IQSEC1: variants seen among roughly 807,000 people sequenced by gnomAD.
IQSEC1 encodes the protein IQ motif and SEC7 domain-containing protein 1.
In IQSEC1, 31 loss-of-function variants were observed where a neutral mutation model predicts 91.0. The ratio of observed to expected loss-of-function variants is 0.34; its 90% CI spans 0.26 to 0.46. The LOEUF is 0.46. Among genes scored for constraint, IQSEC1 ranks in the 20% least tolerant of loss-of-function variants. The pLI, the probability that IQSEC1 is intolerant of heterozygous loss-of-function variation, is 1.00. For synonymous variants in IQSEC1, 699 were observed against 662.6 expected (o/e 1.05, Z -0.84); for missense variants, 1,388 against 1,575.6 (o/e 0.88, Z 2.02).
intron 1 of IQSEC1, among the ~76,000 whole-genome samples, chr3:13,185,915 A>C (rs993666415): frequency 1.3e-5 from 2 of 152,258 alleles, no homozygotes; most frequent in African/African-American, 2.4e-5. Context: ...GAACTGCTGC[A>C]GGGCACCTGC....
At chr3:12,996,206 A>G (rs1159817229) in intron 1 of IQSEC1, among the ~76,000 whole-genome samples, 1 of 152,104 alleles carries the variant, frequency 6.6e-6, no homozygotes, top group Non-Finnish European at 1.5e-5. Context: ...GGAAGATAAG[A>G]TGCTTGTAGT....
rs932494202 is a variant in IQSEC1, at chr3:13,188,264, C to G, written c.273-24131G>C. On this transcript the variant is annotated intron_variant, in intron 1 of 15. Transcript: ENST00000648114. ...CTGACCATTTTCCTCCAGGAACCAC[C>G]TCCTGCTCATGCCCACCTCAAGGTT... is the stretch of plus-strand genomic sequence containing the variant. Among the ~76,000 whole-genome samples, 16 of 152,314 alleles carry G rather than the reference C, an allele frequency of 1.1e-4. 1 individual carries two copies. The highest frequency in any genetic ancestry group is 1.0e-3 in the Admixed American group (16 of 15,296).
chr3:12,978,136 A>G (rs1297255397), intron 1 of IQSEC1, among the ~76,000 whole-genome samples: 1 of 152,224 alleles, frequency 6.6e-6, no homozygotes, highest in Non-Finnish European at 1.5e-5. Context: ...CCTGACAGAA[A>G]TTCTACAAGG....
intron 2 of IQSEC1, among the ~76,000 whole-genome samples, chr3:13,081,582 T>C (rs1705647927): frequency 6.6e-6 from 1 of 152,240 alleles, no homozygotes. Flanking sequence ...ATTTTCTTTA[T>C]TTTTCAAAGT....
chr3:13,099,339 T>C (rs1373190856), intron 2 of IQSEC1, among the ~76,000 whole-genome samples: 1 of 152,202 alleles, frequency 6.6e-6, no homozygotes, highest in Non-Finnish European at 1.5e-5. Context: ...GTGTGCAGGA[T>C]TGCATTTTAT....
rs1162047634 is a variant in IQSEC1 at position 12,935,625 on chromosome 3, T to C, written c.1391A>G (p.Asn464Ser). ...GCTGCAGTTGATGGTATCGTTGGAG[T>C]TGGACGTGCTGTTGATGCTGTCATT... ...GDNDSINSTS[N>S]SNDTINCSSE... The change falls in exon 3 of 14, where the codon AAC becomes AGC. Residue 464 changes from asparagine (N) to serine (S), a missense_variant. Asn to Ser is a conservative substitution (Grantham distance 46). This residue lies in a region of IQSEC1 where 1,059 missense variants were observed against 1,317.8 expected (regional missense o/e 0.80). Transcript: ENST00000613206. The surrounding 1 kb of genome is among the most constrained non-coding windows in gnomAD (Gnocchi z 8.0). 1 of 1,614,038 alleles carries C rather than the reference T, an allele frequency of 6.2e-7. No individual in the cohort carries two copies. The highest frequency in any genetic ancestry group is 8.5e-7 in the Non-Finnish European group (1 of 1,180,002).
intron 1 of IQSEC1, among the ~76,000 whole-genome samples, chr3:13,202,533 AAAAT>A (rs1176660317): frequency 1.3e-5 from 2 of 152,222 alleles, no homozygotes; most frequent in Admixed American, 1.3e-4. Context: ...CAGTCACAAA[AAAAT>A]AAATACTGTG....
At chr3:13,222,005 C>T (rs2125076097) in intron 1 of IQSEC1, among the ~76,000 whole-genome samples, 1 of 152,328 alleles carries the variant, frequency 6.6e-6, no homozygotes, top group African/African-American at 2.4e-5. Flanking sequence ...AGGAGTGTCC[C>T]CTTTCCTTTT....
chr3:12,988,416 A>AAAAAAT lies in IQSEC1; in HGVS notation c.24-46557_24-46552dup, dbSNP rs925268607. 8.5e-5 allele frequency among the ~76,000 whole-genome samples: 13 copies of AAAAAAT among 152,306 alleles called. No individual in the cohort carries two copies. The East Asian group carries it at 1.2e-3, about 14-fold the overall frequency. The stretch of plus-strand genomic sequence containing the variant: ...GGCGACAGAGCGAGGCTCTATCTCA[A>AAAAAAT]AAAAATAAAAATAAAAATAAAAATA... On this transcript the variant is annotated intron_variant, in intron 1 of 13. Transcript: ENST00000613206.
chr3:13,009,008 G>A (rs552778966), intron 1 of IQSEC1, among the ~76,000 whole-genome samples: 12 of 152,354 alleles, frequency 7.9e-5, no homozygotes, highest in African/African-American at 2.6e-4. Context: ...GCTGGGTCTT[G>A]GCCTGGCTTT....
At chr3:12,975,641 G>A (rs1450427488) in intron 1 of IQSEC1, among the ~76,000 whole-genome samples, 1 of 152,186 alleles carries the variant, frequency 6.6e-6, no homozygotes, top group Non-Finnish European at 1.5e-5. Context: ...TATCCAAGGT[G>A]CTTATTGAAT....
chr3:12,943,019 C>A (rs890201889), intron 1 of IQSEC1, among the ~76,000 whole-genome samples: 2 of 152,230 alleles, frequency 1.3e-5, no homozygotes, highest in Admixed American at 1.3e-4. Flanking sequence ...GTGTGTGTCA[C>A]GGCGAATTTG....
chr3:13,154,971 TG>T (rs1460147343), intron 2 of IQSEC1, among the ~76,000 whole-genome samples: 1 of 152,178 alleles, frequency 6.6e-6, no homozygotes, highest in Non-Finnish European at 1.5e-5. Context: ...GCAAAGCTTA[TG>T]GAACACAGCG....
At position 13,254,286 on chromosome 3, in the gene IQSEC1, C is replaced by T. The variant is rs1053176483; in HGVS notation, c.272+28425G>A. On this transcript the variant is annotated intron_variant, in intron 1 of 15. Transcript: ENST00000648114. ...GGCTAGGCCACACCCTGGGGACGCA[C>T]TGGGGTCCTGAGGCCTCGCTGGCCA... 2.0e-5 allele frequency among the ~76,000 whole-genome samples: 3 copies of T among 152,254 alleles called. No homozygotes were observed. In the South Asian group the frequency reaches 6.2e-4, roughly 31 times the overall value.
intron 1 of IQSEC1, among the ~76,000 whole-genome samples, chr3:12,971,920 G>C (rs1442922085): frequency 6.6e-6 from 1 of 151,952 alleles, no homozygotes; most frequent in African/African-American, 2.4e-5. Flanking sequence ...TACTCAGGAG[G>C]CTGAGGCAGG....
chr3:13,210,669 G>A (rs1310686935), intron 1 of IQSEC1, among the ~76,000 whole-genome samples: 4 of 152,068 alleles, frequency 2.6e-5, no homozygotes, highest in Admixed American at 6.5e-5. Flanking sequence ...ACTAACAGCC[G>A]GGGCTCCTCC....
intron 2 of IQSEC1, among the ~76,000 whole-genome samples, chr3:13,147,000 C>T (rs1706909483): frequency 6.6e-6 from 1 of 152,134 alleles, no homozygotes; most frequent in Non-Finnish European, 1.5e-5. Context: ...AGCTCCAGCA[C>T]TTGGCAAGTG....
chr3:13,070,164 GC>G (rs1456498130), intron 1 of IQSEC1, among the ~76,000 whole-genome samples: 1 of 152,248 alleles, frequency 6.6e-6, no homozygotes, highest in African/African-American at 2.4e-5. Flanking sequence ...CATGCACAGG[GC>G]CGCTGGAGCA....
At chr3:13,181,099 G>A (rs113231597) in intron 1 of IQSEC1, among the ~76,000 whole-genome samples, 14 of 152,220 alleles carry the variant, frequency 9.2e-5, no homozygotes, top group African/African-American at 1.4e-4. Context: ...GTGAAACCCC[G>A]TCTCTACTAA....
Sources: allele counts gnomAD v4.1 joint callset (sites outside exome capture counted in the v4.1 genomes callset), GRCh38; gene constraint gnomAD v4.1.1; regional missense constraint gnomAD v4.1.1; non-coding constraint Gnocchi (gnomAD v3.1); transcripts MANE v1.5; gene names NCBI Gene and HGNC (gene_info 2026-07-23, HGNC 2026-07-21).